Variants in DHRS4L2 observed in about 807,000 individuals in gnomAD.
DHRS4L2 encodes the protein dehydrogenase/reductase 4 like 2, also known as dehydrogenase/reductase SDR family member 4-like 2.
Under a neutral mutation model 23.9 loss-of-function variants are expected in DHRS4L2, and 22 were observed. The observed-to-expected ratio is 0.92, with a 90% CI of 0.66 to 1.31. The LOEUF is 1.31. Ranked by LOEUF, DHRS4L2 falls within the 40% of genes most tolerant of loss-of-function variation. DHRS4L2 has a pLI of 0.00. For synonymous variants in DHRS4L2, 141 were observed against 123.7 expected (o/e 1.14, Z -0.93); for missense variants, 385 against 303.3 (o/e 1.27, Z -2.00).
chr14:23,975,724 A>G (rs2033952915), intron 1 of DHRS4L2, among the ~76,000 whole-genome samples: 1 of 151,872 alleles, frequency 6.6e-6, no homozygotes. Flanking sequence ...TACCGGTACC[A>G]AAACATATCT....
chr14:23,986,222 C>G (rs574227681), upstream of DHRS4L2, among the ~76,000 whole-genome samples: 3 of 151,426 alleles, frequency 2.0e-5, 1 homozygote, highest in African/African-American at 7.3e-5. Context: ...GATTCCCATA[C>G]TTCTTGACTT....
exon 1 of DHRS4L2, chr14:23,970,051 G>GGGT: frequency 2.2e-6 from 1 of 456,370 alleles, no homozygotes; most frequent in Non-Finnish European, 4.4e-6. Context: ...ACAGCGGTGT[G>GGGT]GGTGGCGGCG....
intron 3 of DHRS4L2, among the ~76,000 whole-genome samples, chr14:23,998,517 T>C (rs1406878617): frequency 6.7e-6 from 1 of 150,086 alleles, no homozygotes; most frequent in East Asian, 2.0e-4. Context: ...CTAGATCTTC[T>C]GGATAACTGG....
chr14:23,991,781 G>T (rs546727904), intron 2 of DHRS4L2, among the ~76,000 whole-genome samples: 1 of 148,896 alleles, frequency 6.7e-6, no homozygotes, highest in Non-Finnish European at 1.5e-5. Flanking sequence ...TTGTTGCCCA[G>T]GCTGAAGTGA....
chr14:23,987,852 A>G (rs1203660325), upstream of DHRS4L2, among the ~76,000 whole-genome samples: 8 of 151,726 alleles, frequency 5.3e-5, no homozygotes, highest in South Asian at 2.1e-4. Context: ...TAATTCAGAT[A>G]CTTACCTTTG....
chr14:24,004,079 G>C (rs1485311998), intron 6 of DHRS4L2, among the ~76,000 whole-genome samples: 1 of 140,454 alleles, frequency 7.1e-6, no homozygotes, highest in Non-Finnish European at 1.5e-5. Context: ...GACCATCTTG[G>C]CTAACACGGT....
chr14:23,989,419 A>G (rs1260425370), intron 1 of DHRS4L2, among the ~76,000 whole-genome samples: 1 of 151,612 alleles, frequency 6.6e-6, no homozygotes, highest in Non-Finnish European at 1.5e-5. Flanking sequence ...TCAAAATCTT[A>G]TAACAAGGCC....
chr14:23,975,467 G>A lies in DHRS4L2; in HGVS notation c.-176+5135G>A, dbSNP rs112926116. The stretch of plus-strand genomic sequence containing the variant: ...AATGGAAGAATATTGCATGCTCATC[G>A]ATAGGAAGACTCAATATCATGAAAA... On this transcript the variant is annotated intron_variant, in intron 1 of 5. Transcript: ENST00000534993. Among the ~76,000 whole-genome samples the A allele has an allele frequency of 2.9e-3, 436 of 151,860 alleles. 8 individuals carry two copies. The Middle Eastern group carries it at 0.034, about 12-fold the overall frequency.
chr14:23,992,723 T>C (rs1254752727), intron 2 of DHRS4L2, among the ~76,000 whole-genome samples: 1 of 150,990 alleles, frequency 6.6e-6, no homozygotes, highest in Non-Finnish European at 1.5e-5. Context: ...CCTCATTCTG[T>C]TGCCCAGGCT....
chr14:23,986,946 G>A (rs768624201), upstream of DHRS4L2, among the ~76,000 whole-genome samples: 5 of 151,624 alleles, frequency 3.3e-5, no homozygotes, highest in African/African-American at 1.2e-4. Flanking sequence ...GCACCAGTCA[G>A]AGTCAGCTTT....
intron 1 of DHRS4L2, 22 bp downstream of exon 1, chr14:23,989,097 T>C (rs1270824285): frequency 1.3e-6 from 2 of 1,555,940 alleles, no homozygotes; most frequent in South Asian, 1.2e-5. Flanking sequence ...TGCCGGAGTT[T>C]CTGAGGCCCT....
rs1242515491 is a variant in DHRS4L2, at chr14:24,005,921, C to G, written c.*58C>G. 1.2e-6 allele frequency: 2 copies of G among 1,609,000 alleles called. No homozygotes were observed. The highest frequency in any genetic ancestry group is 3.4e-5 in the Admixed American group (2 of 59,466). ...CCAGAGGATTGTGCTGGCATCGTGT[C>G]TTTCCTGTGCTCTGAAGATGCCAGC... On this transcript the variant is annotated 3_prime_UTR_variant, in exon 8 of 8. Transcript: ENST00000335125.
intron 1 of DHRS4L2, among the ~76,000 whole-genome samples, chr14:23,971,947 C>T (rs889740935): frequency 3.3e-5 from 5 of 152,018 alleles, no homozygotes; most frequent in Non-Finnish European, 5.9e-5. Context: ...AACCAGCTAA[C>T]GTCATGACAG....
rs916490834 is a variant in DHRS4L2 at position 23,998,639 on chromosome 14, T to G, written c.409-2224T>G. On this transcript the variant is annotated intron_variant, in intron 3 of 7. Coordinates refer to ENST00000335125, the MANE Select transcript of DHRS4L2 (RefSeq NM_198083.4). ...GCTAGCTTCCAACTTTTCCGGAGCTTCTTCACTTCTCTCAGCCTTCAAAGA... is the reference window on the plus strand; with the variant it reads ...GCTAGCTTCCAACTTTTCCGGAGCTGCTTCACTTCTCTCAGCCTTCAAAGA... Among the ~76,000 whole-genome samples the G allele has an allele frequency of 4.0e-5, 6 of 151,824 alleles. 1 individual carries two copies. Among genetic ancestry groups the G allele is most frequent in the East Asian group, 3.8e-4 (2 of 5,200 alleles).
At chr14:23,969,904 G>A (rs747001835) in exon 1 of DHRS4L2, 10 of 434,692 alleles carry the variant, frequency 2.3e-5, no homozygotes, top group Non-Finnish European at 4.6e-5. Flanking sequence ...CCGGGCCGGC[G>A]TGGGAGCCCG....
chr14:24,004,392 G>T lies in DHRS4L2; in HGVS notation c.*22G>T. The T allele has an allele frequency of 6.2e-7, 1 of 1,601,624 alleles. No homozygotes were observed. Among genetic ancestry groups the T allele is most frequent in the Non-Finnish European group, 8.5e-7 (1 of 1,177,328 alleles). On this transcript the variant is annotated splice_region_variant and 3_prime_UTR_variant, in exon 7 of 8. Coordinates refer to ENST00000335125, the MANE Select transcript of DHRS4L2 (RefSeq NM_198083.4). ...ATGAAAGAAACCCTGCGGATAAGAA[G>T]GTAAACTGTCATGAGGGCAAGGGCA...
chr14:23,977,216 C>A (rs1182419796), intron 1 of DHRS4L2, among the ~76,000 whole-genome samples: 1 of 151,812 alleles, frequency 6.6e-6, no homozygotes, highest in East Asian at 1.9e-4. Context: ...TCACTGTTTT[C>A]TTTTCTGGGT....
Position 23,989,832 on chromosome 14 carries a change from G to C in DHRS4L2, c.129-350G>C, listed in dbSNP as rs746009845. Among the ~76,000 whole-genome samples, 14 of 151,706 alleles carry C rather than the reference G, an allele frequency of 9.2e-5. 1 individual carries two copies. Among genetic ancestry groups the C allele is most frequent in the Non-Finnish European group, 1.9e-4 (13 of 67,936 alleles). ...AAGAAAGAAACCTGGCGGCAGGACT[G>C]TTCTGAGTGAGACCTTCAAATCACG... On this transcript the variant is annotated intron_variant, in intron 1 of 7. Coordinates refer to ENST00000335125, the MANE Select transcript of DHRS4L2 (RefSeq NM_198083.4).
In DHRS4L2 at chr14:23,993,631, C is replaced by T. The variant is rs149436841; in HGVS notation, c.307-1401C>T. On this transcript the variant is annotated intron_variant, in intron 2 of 7. Transcript: ENST00000335125. Reference sequence around the variant, plus strand: ...CTTGGCCATTCATTACTCTAGCACACGCCTCACTATCTACTTATAACTTAT... The same window carrying T: ...CTTGGCCATTCATTACTCTAGCACATGCCTCACTATCTACTTATAACTTAT... Among the ~76,000 whole-genome samples, 8 of 151,400 alleles carry T rather than the reference C, an allele frequency of 5.3e-5. 1 individual carries two copies. Among genetic ancestry groups the T allele is most frequent in the South Asian group, 4.2e-4 (2 of 4,780 alleles).
Sources: gnomAD v4.1 joint callset for allele counts (sites outside exome capture counted in the v4.1 genomes callset) on GRCh38, gnomAD v4.1.1 for gene constraint, MANE v1.5 for transcripts, NCBI Gene and HGNC (gene_info 2026-07-23, HGNC 2026-07-21) for gene names.